Variants in FRYL observed in about 807,000 individuals in gnomAD.
FRYL encodes FRY like transcription coactivator.
FRYL carries 150 observed loss-of-function variants against 351.2 expected under a neutral mutation model. That is an observed-to-expected ratio of 0.43 (90% CI 0.37 to 0.49). FRYL has a LOEUF of 0.49. Ranked by LOEUF, FRYL falls within the 20% of genes least tolerant of loss-of-function variation. The pLI, the probability that FRYL is intolerant of heterozygous loss-of-function variation, is 0.00. For synonymous variants in FRYL, 1,153 were observed against 1,257.1 expected, an observed-to-expected ratio of 0.92 and a Z score of 1.75; for missense variants, 3,036 against 3,619.3, an observed-to-expected ratio of 0.84 and a Z score of 4.13.
intron 55 of FRYL, among the ~76,000 whole-genome samples, chr4:48,519,858 C>T (rs552271864): frequency 1.2e-4 from 18 of 152,154 alleles, no homozygotes; most frequent in African/African-American, 4.1e-4. Context: ...CTCAGCCTTC[C>T]GAGTAGCTGG....
chr4:48,638,125 C>G (rs1238083789), intron 3 of FRYL: 4 of 151,848 alleles, frequency 2.6e-5, no homozygotes, highest in East Asian at 3.9e-4. Context: ...TTCCTCACCC[C>G]CAGAGGTCTT....
intron 56 of FRYL, 29 bp from the exon 57 acceptor site, chr4:48,512,717 AAC>A: frequency 6.6e-7 from 1 of 1,517,910 alleles, no homozygotes; most frequent in Non-Finnish European, 9.1e-7. Flanking sequence ...TAAATATCAT[AAC>A]ACTATCTCAG....
chr4:48,596,017 G>C lies in FRYL; in HGVS notation c.1036-17C>G. 3 of 1,487,562 alleles carry C rather than the reference G, an allele frequency of 2.0e-6. No homozygotes were observed. The highest frequency in any genetic ancestry group is 1.9e-5 in the Admixed American group (1 of 52,484). The allele number at this position is 1,487,562 out of a possible 1,614,324, so 92.1% of individuals were successfully genotyped here. ...ATCTTTATTCTGTTTTAAAACAAAA[G>C]AGAATAAACTTATTATAATACTTGC... is the stretch of plus-strand genomic sequence containing the variant. On this transcript the variant is annotated splice_polypyrimidine_tract_variant and intron_variant, in intron 13 of 63. Coordinates refer to ENST00000358350, the MANE Select transcript of FRYL (RefSeq NM_015030.2).
rs1274711212 is a variant in FRYL at position 48,498,789 on chromosome 4, G to A, written c.*633C>T. 2 of 152,530 alleles carry A rather than the reference G, an allele frequency of 1.3e-5. No homozygotes were observed. The highest frequency in any genetic ancestry group is 1.9e-4 in the East Asian group (1 of 5,206). The allele number at this position is 152,530 out of a possible 1,614,324, so 9.4% of individuals were successfully genotyped here. A position where few individuals can be genotyped will look rare whatever the true frequency, so the allele number is the denominator to read the frequency against. ...CGTTATCACCAAACATCCATACCTT[G>A]AAAATATGACTATCACATATCCATA... On this transcript the variant is annotated 3_prime_UTR_variant, in exon 64 of 64. Coordinates refer to ENST00000358350, the MANE Select transcript of FRYL (RefSeq NM_015030.2).
chr4:48,577,530 C>A (rs1442196894), intron 23 of FRYL, among the ~76,000 whole-genome samples: 4 of 151,864 alleles, frequency 2.6e-5, no homozygotes, highest in Non-Finnish European at 5.9e-5. Context: ...CCATGGGAGA[C>A]ATACAATAAA....
chr4:48,570,781 C>A, intron 27 of FRYL, 46 bp downstream of exon 27: 1 of 1,375,618 alleles, frequency 7.3e-7, no homozygotes, highest in South Asian at 1.2e-5. Context: ...AGATTACGTT[C>A]TCTAGGATCA....
chr4:48,683,280 G>C (rs866266194), intron 3 of FRYL, among the ~76,000 whole-genome samples: 3 of 150,860 alleles, frequency 2.0e-5, no homozygotes, highest in African/African-American at 4.9e-5. Flanking sequence ...GGGGTGGGGG[G>C]CTAGGGGAGG....
chr4:48,589,553 T>C (rs1742835874), intron 18 of FRYL, among the ~76,000 whole-genome samples, 192 bp downstream of exon 18: 1 of 152,120 alleles, frequency 6.6e-6, no homozygotes, highest in South Asian at 2.1e-4. Flanking sequence ...TGAGTTTTGC[T>C]ATCTATACCA....
Position 48,548,737 on chromosome 4 carries a change from A to C in FRYL, c.4841T>G (p.Val1614Gly). ...AAGATGGAGGTAGCTTCCCCATTCC[A>C]CCTTCACACTATGATCAATGATGAG... ...TDLIIDHSVKVEWGSYLHLLL... is the reference protein window; with the variant it reads ...TDLIIDHSVKGEWGSYLHLLL... The change falls in exon 40 of 64, where the codon GTG becomes GGG. Residue 1614 changes from valine to glycine, a missense_variant. This residue lies in a region of FRYL where 1,987 missense variants were observed against 2,311.7 expected (regional missense o/e 0.86). Transcript: ENST00000358350. 1 of 1,612,352 alleles carries C rather than the reference A, an allele frequency of 6.2e-7. No individual in the cohort carries two copies. The highest frequency in any genetic ancestry group is 2.2e-5 in the East Asian group (1 of 44,828).
rs1296928789 is a variant in FRYL, at chr4:48,549,100, AT to A, written c.4785-308del. On this transcript the variant is annotated intron_variant, in intron 39 of 63. Transcript: ENST00000358350. This position sits in a 1 kb window ranked among gnomAD's most constrained non-coding sequence, Gnocchi z 4.2. ...CAATACATGTTTGGTGCATTAATAC[AT>A]TTTGAAAGAATGCAGTAATTGCTCT... Among the ~76,000 whole-genome samples the A allele has an allele frequency of 6.6e-6, 1 of 152,166 alleles. No homozygotes were observed. Among genetic ancestry groups the A allele is most frequent in the Non-Finnish European group, 1.5e-5 (1 of 68,026 alleles).
chr4:48,675,539 C>T (rs1462460078), intron 3 of FRYL, among the ~76,000 whole-genome samples: 1 of 152,248 alleles, frequency 6.6e-6, no homozygotes, highest in Non-Finnish European at 1.5e-5. Context: ...CCCACCAGCG[C>T]TGCGCTCGAT....
intron 4 of FRYL, among the ~76,000 whole-genome samples, chr4:48,632,114 A>ATATGTATG (rs1753306654): frequency 2.6e-5 from 1 of 38,282 alleles, no homozygotes; most frequent in Non-Finnish European, 8.4e-5. Context: ...ATATATATAT[A>ATATGTATG]TATATATATA....
intron 3 of FRYL, among the ~76,000 whole-genome samples, chr4:48,639,115 AT>A (rs932497447): frequency 1.9e-4 from 29 of 151,794 alleles, no homozygotes; most frequent in East Asian, 1.2e-3. Context: ...TAAAAAAAAA[AT>A]CTGACTTCAA....
intron 60 of FRYL, 162 bp downstream of exon 60, chr4:48,505,385 T>C (rs185326980): frequency 5.3e-5 from 35 of 662,304 alleles, no homozygotes; most frequent in Non-Finnish European, 9.1e-5. Flanking sequence ...ATGAAACCAG[T>C]ATTTCATTGA....
intron 1 of FRYL, among the ~76,000 whole-genome samples, chr4:48,750,135 T>TAAAA (rs573603384): frequency 3.9e-5 from 3 of 77,914 alleles, no homozygotes; most frequent in Non-Finnish European, 5.3e-5. Context: ...CTCCATCTAT[T>TAAAA]AAAAAAAAAA....
chr4:48,721,092 G>C (rs1769416336), intron 1 of FRYL, among the ~76,000 whole-genome samples: 1 of 152,114 alleles, frequency 6.6e-6, no homozygotes, highest in Non-Finnish European at 1.5e-5. Context: ...TACAATAATA[G>C]CAAGTAGGCC....
At chr4:48,719,652 A>G (rs1448814173) in intron 1 of FRYL, among the ~76,000 whole-genome samples, 3 of 151,616 alleles carry the variant, frequency 2.0e-5, no homozygotes, top group African/African-American at 7.3e-5. Flanking sequence ...TCACCAATCA[A>G]CTGTTTAAGG....
chr4:48,526,149 G>A (rs767417744), intron 53 of FRYL, among the ~76,000 whole-genome samples: 5 of 152,144 alleles, frequency 3.3e-5, no homozygotes, highest in Non-Finnish European at 7.4e-5. Context: ...AATAGTATAT[G>A]TATATGTATA....
In FRYL at chr4:48,570,906, G is replaced by A. The variant is rs1738168259; in HGVS notation, c.2917C>T (p.Arg973Cys). 2.5e-6 allele frequency: 4 copies of A among 1,612,578 alleles called. No homozygotes were observed. The highest frequency in any genetic ancestry group is 1.3e-5 in the African/African-American group (1 of 74,864). Residue 973 changes from arginine to cysteine, a missense_variant, in exon 27 of 64, where the codon CGC (arginine) becomes TGC (cysteine). Arg to Cys is a radical substitution (Grantham distance 180). This residue lies in a region of FRYL where 492 missense variants were observed against 551.5 expected (regional missense o/e 0.89). Transcript: ENST00000358350. ...LERRPENMKRRRRRDILRVQL... is the reference protein window; with the variant it reads ...LERRPENMKRCRRRDILRVQL... ...ACTCGTAAAATGTCTCGACGCCTGC[G>A]CCGTTTCATATTCTATTCCAAAGAT...
Sources: gnomAD v4.1 joint callset for allele counts (sites outside exome capture counted in the v4.1 genomes callset) on GRCh38, gnomAD v4.1.1 for gene constraint, gnomAD v4.1.1 regional missense constraint, Gnocchi (gnomAD v3.1) non-coding constraint, MANE v1.5 for transcripts, NCBI Gene and HGNC (gene_info 2026-07-23, HGNC 2026-07-21) for gene names.